Variants in APPL2 observed in about 807,000 individuals in gnomAD.
The protein encoded by APPL2 is DCC-interacting protein 13-beta.
APPL2 carries 84 observed loss-of-function variants against 92.7 expected under a neutral mutation model. The ratio of observed to expected loss-of-function variants is 0.91; its 90% CI spans 0.76 to 1.09. APPL2 has a LOEUF of 1.09. Ranked by LOEUF, APPL2 falls within the 50% of genes least tolerant of loss-of-function variation. The probability of loss-of-function intolerance (pLI) is 0.00; values close to 1 mark genes in which losing one functional copy is unlikely to be tolerated. For synonymous variants in APPL2, 291 were observed against 291.0 expected (o/e 1.00, Z 0.00); for missense variants, 736 against 824.5 (o/e 0.89, Z 1.31).
Position 105,199,332 on chromosome 12 carries a change from A to G in APPL2, c.863+41T>C, listed in dbSNP as rs372257671. 14 of 1,593,922 alleles carry G rather than the reference A, an allele frequency of 8.8e-6. No homozygotes were observed. In the African/African-American group the frequency reaches 1.9e-4, roughly 22 times the overall value. ...TTGCTTTTCAGCCACCTCTTAGGGAAAACGGATTTCAGAAAAAGAGGCAGA... is the reference window on the plus strand; with the variant it reads ...TTGCTTTTCAGCCACCTCTTAGGGAGAACGGATTTCAGAAAAAGAGGCAGA... On this transcript the variant is annotated intron_variant, in intron 10 of 20. Transcript: ENST00000258530.
At position 105,193,656 on chromosome 12, in the gene APPL2, T is replaced by C. The variant is rs1439069457; in HGVS notation, c.1241+1605A>G. Among the ~76,000 whole-genome samples, 4 of 152,234 alleles carry C rather than the reference T, an allele frequency of 2.6e-5. No individual in the cohort carries two copies. The East Asian group carries it at 5.8e-4, about 22-fold the overall frequency. On this transcript the variant is annotated intron_variant, in intron 14 of 20. Transcript: ENST00000258530. ...CATTTCATAAAGCATGCTACTTGTA[T>C]CAACTGTTAAATCCTTAAGTTACGG...
chr12:105,174,088 A>G lies in APPL2; in HGVS notation c.*226T>C. The G allele has an allele frequency of 4.5e-6, 2 of 440,930 alleles. No homozygotes were observed. The highest frequency in any genetic ancestry group is 7.6e-6 in the Non-Finnish European group (2 of 261,540). The allele number at this position is 440,930 out of a possible 1,614,324, so 27.3% of individuals were successfully genotyped here. A position where few individuals can be genotyped will look rare whatever the true frequency, so the allele number is the denominator to read the frequency against. ...AAATTTTAGCGCAATCTAAGAAAAAAGACTTACCACAAAGCACCTAAAATA... is the reference window on the plus strand; with the variant it reads ...AAATTTTAGCGCAATCTAAGAAAAAGGACTTACCACAAAGCACCTAAAATA... On this transcript the variant is annotated 3_prime_UTR_variant, in exon 21 of 21. Transcript: ENST00000258530.
intron 11 of APPL2, among the ~76,000 whole-genome samples, chr12:105,196,764 C>A (rs971944181): frequency 1.3e-5 from 2 of 152,130 alleles, no homozygotes; most frequent in Non-Finnish European, 2.9e-5. Context: ...TTTAAAGAGA[C>A]CCCACATCTG....
chr12:105,234,742 C>T (rs904241317), intron 1 of APPL2, among the ~76,000 whole-genome samples: 1 of 152,096 alleles, frequency 6.6e-6, no homozygotes, highest in Non-Finnish European at 1.5e-5. Context: ...ATGCCTTCTA[C>T]CAAGGGCTTT....
intron 2 of APPL2, among the ~76,000 whole-genome samples, chr12:105,223,393 G>A (rs1890262926): frequency 6.6e-6 from 1 of 152,208 alleles, no homozygotes; most frequent in African/African-American, 2.4e-5. Flanking sequence ...ACTCGCCAGA[G>A]AAGGATTCCA....
chr12:105,228,274 G>C (rs1250974170), intron 2 of APPL2, among the ~76,000 whole-genome samples: 2 of 152,128 alleles, frequency 1.3e-5, no homozygotes, highest in Non-Finnish European at 2.9e-5. Flanking sequence ...TGTATCAGTC[G>C]AGCTTCCCAA....
intron 17 of APPL2, 138 bp downstream of exon 17, chr12:105,188,135 A>ATCT: frequency 1.1e-6 from 1 of 937,728 alleles, no homozygotes; most frequent in East Asian, 2.6e-5. Flanking sequence ...TAGGCTATCT[A>ATCT]TCTTATGTAA....
Position 105,186,342 on chromosome 12 carries a change from G to A in APPL2, c.1634+1931C>T, listed in dbSNP as rs115968952. 7.2e-3 allele frequency among the ~76,000 whole-genome samples: 1,102 copies of A among 152,120 alleles called. 18 individuals carry two copies. The highest frequency in any genetic ancestry group is 0.025 in the African/African-American group (1,021 of 41,510). ...GGAGCATTTGAGATTTCCAGATTTG[G>A]AATGCTCAACTCTACCACATTTTGT... On this transcript the variant is annotated intron_variant, in intron 17 of 20. Coordinates refer to ENST00000258530, the MANE Select transcript of APPL2 (RefSeq NM_018171.5).
intron 2 of APPL2, among the ~76,000 whole-genome samples, chr12:105,224,338 A>T (rs1225610834): frequency 1.3e-5 from 2 of 152,238 alleles, no homozygotes; most frequent in Non-Finnish European, 2.9e-5. Context: ...TCTGGGATAC[A>T]AAAAGGAACT....
At chr12:105,226,774 G>A (rs60999193) in intron 2 of APPL2, among the ~76,000 whole-genome samples, 4 of 152,034 alleles carry the variant, frequency 2.6e-5, no homozygotes, top group Admixed American at 1.3e-4. Flanking sequence ...AAAAATTGAC[G>A]AAGTTCTCAT....
chr12:105,203,162 C>A (rs1306513326), intron 9 of APPL2, among the ~76,000 whole-genome samples: 1 of 152,244 alleles, frequency 6.6e-6, no homozygotes, highest in African/African-American at 2.4e-5. Context: ...GCCGGGGCCC[C>A]CCTCAGAGCT....
chr12:105,208,268 T>C (rs1566081262), intron 5 of APPL2, 69 bp from the exon 6 acceptor site: 4 of 1,566,330 alleles, frequency 2.6e-6, no homozygotes, highest in African/African-American at 2.7e-5. Flanking sequence ...AGCTCTGCAC[T>C]TTCCCCTGAA....
intron 2 of APPL2, among the ~76,000 whole-genome samples, chr12:105,224,369 T>C (rs2136073878): frequency 6.6e-6 from 1 of 152,342 alleles, no homozygotes; most frequent in African/African-American, 2.4e-5. Context: ...TCTAGCGTAT[T>C]ACAAAGCTGT....
chr12:105,203,879 A>C, intron 8 of APPL2, 94 bp from the exon 9 acceptor site: 1 of 1,125,164 alleles, frequency 8.9e-7, no homozygotes, highest in Middle Eastern at 2.0e-4. Context: ...GGCAGCCATC[A>C]CAGCTGGCTG....
Position 105,211,422 on chromosome 12 carries a change from A to G in APPL2, c.286-105T>C, listed in dbSNP as rs1033352684. 54 of 775,472 alleles carry G rather than the reference A, an allele frequency of 7.0e-5. No individual in the cohort carries two copies. In the African/African-American group the frequency reaches 7.2e-4, roughly 10 times the overall value. The allele number at this position is 775,472 out of a possible 1,614,324, so 48.0% of individuals were successfully genotyped here. A position where few individuals can be genotyped will look rare whatever the true frequency, so the allele number is the denominator to read the frequency against. Reference sequence around the variant, plus strand: ...ACTGAACACTTCCGTGTGGTCACAGAGCTCAGGCAGACTTCCTCAGCAAGT... The same window carrying G: ...ACTGAACACTTCCGTGTGGTCACAGGGCTCAGGCAGACTTCCTCAGCAAGT... On this transcript the variant is annotated intron_variant, in intron 4 of 20. Transcript: ENST00000258530.
intron 4 of APPL2, among the ~76,000 whole-genome samples, chr12:105,213,243 A>G (rs140445305): frequency 2.1e-3 from 327 of 152,300 alleles, no homozygotes; most frequent in Middle Eastern, 6.8e-3. Context: ...CTCCCCAAGA[A>G]TTAAGGGGGT....
chr12:105,217,853 A>G (rs1334235303), intron 2 of APPL2, 128 bp from the exon 3 acceptor site: 28 of 765,376 alleles, frequency 3.7e-5, no homozygotes, highest in Non-Finnish European at 5.2e-5. Flanking sequence ...CTATAATCCT[A>G]GTACTTTGGG....
At chr12:105,207,876 A>T in intron 7 of APPL2, 95 bp downstream of exon 7, 1 of 1,146,728 alleles carries the variant, frequency 8.7e-7, no homozygotes, top group Non-Finnish European at 1.3e-6. Context: ...AAAAAAAAAT[A>T]ACCACGCACC....
At chr12:105,215,583 C>A (rs11836591) in intron 4 of APPL2, among the ~76,000 whole-genome samples, 1 of 152,052 alleles carries the variant, frequency 6.6e-6, no homozygotes, top group Non-Finnish European at 1.5e-5. Flanking sequence ...GTTGAATAAA[C>A]GAAAATGCAA....
Sources: gnomAD v4.1 joint callset for allele counts (sites outside exome capture counted in the v4.1 genomes callset) on GRCh38, gnomAD v4.1.1 for gene constraint, MANE v1.5 for transcripts, NCBI Gene and HGNC (gene_info 2026-07-23, HGNC 2026-07-21) for gene names.